The following MACROD2 variants were observed in gnomAD, a reference collection of about 807,000 sequenced individuals.
MACROD2 encodes ADP-ribose glycohydrolase MACROD2.
Under a neutral mutation model 70.4 loss-of-function variants are expected in MACROD2, and 36 were observed. That is an observed-to-expected ratio of 0.51 (90% confidence interval 0.39 to 0.68). MACROD2 has a LOEUF of 0.68. Among genes scored for constraint, MACROD2 ranks in the 30% least tolerant of loss-of-function variants. The probability of loss-of-function intolerance (pLI) is 0.00; values close to 1 mark genes in which losing one functional copy is unlikely to be tolerated. For missense variants in MACROD2, 496 were observed against 538.4 expected (o/e 0.92, Z 0.78); for synonymous variants, 172 against 178.8 (o/e 0.96, Z 0.30).
chr20:15,754,286 G>GA (rs1241776102), intron 8 of MACROD2, among the ~76,000 whole-genome samples: 2 of 152,004 alleles, frequency 1.3e-5, no homozygotes, highest in African/African-American at 4.8e-5. Context: ...GTTTCTTTAG[G>GA]AAAAAAATAA....
chr20:14,055,962 T>A (rs1401032566), intron 2 of MACROD2, among the ~76,000 whole-genome samples: 1 of 152,114 alleles, frequency 6.6e-6, no homozygotes, highest in Admixed American at 6.6e-5. Flanking sequence ...GATGCCAGTT[T>A]TTAATAAGAA....
At position 15,855,950 on chromosome 20, in the gene MACROD2, C is replaced by A. The variant is rs56070042; in HGVS notation, c.646-6795C>A. Among the ~76,000 whole-genome samples the A allele has an allele frequency of 3.7e-3, 567 of 152,174 alleles. 7 individuals carry two copies. The Middle Eastern group carries it at 0.051, about 14-fold the overall frequency. On this transcript the variant is annotated intron_variant, in intron 8 of 17. Transcript: ENST00000684519. Reference sequence around the variant, plus strand: ...CATTTATGGACATTTAAGTAGCTTCCAATTTGGAGATATTGCAAATAGTGC... The same window carrying A: ...CATTTATGGACATTTAAGTAGCTTCAAATTTGGAGATATTGCAAATAGTGC...
intron 5 of MACROD2, among the ~76,000 whole-genome samples, chr20:14,958,745 A>G (rs2074558795): frequency 6.6e-6 from 1 of 152,154 alleles, no homozygotes; most frequent in South Asian, 2.1e-4. Context: ...CTCATTCTAA[A>G]CAGCAGTAGT....
At chr20:14,506,636 C>T (rs561497844) in intron 4 of MACROD2, among the ~76,000 whole-genome samples, 27 of 152,208 alleles carry the variant, frequency 1.8e-4, no homozygotes, top group African/African-American at 5.1e-4. Context: ...CTTCCAGCAC[C>T]GATAACTTTC....
chr20:14,187,018 G>A (rs111853458), intron 3 of MACROD2, among the ~76,000 whole-genome samples: 1 of 152,092 alleles, frequency 6.6e-6, no homozygotes, highest in African/African-American at 2.4e-5. Context: ...TTTACCACCT[G>A]GGTGACAGGG....
intron 5 of MACROD2, among the ~76,000 whole-genome samples, chr20:14,767,013 G>A (rs145246583): frequency 1.1e-3 from 172 of 152,168 alleles, no homozygotes; most frequent in African/African-American, 4.1e-3. Context: ...CACACAGTTA[G>A]ATGTGCGAAC....
chr20:15,732,216 T>A (rs1288367604), intron 8 of MACROD2, among the ~76,000 whole-genome samples: 1 of 151,930 alleles, frequency 6.6e-6, no homozygotes, highest in Non-Finnish European at 1.5e-5. Context: ...CAGAAATGAC[T>A]AGGATATCTC....
intron 3 of MACROD2, among the ~76,000 whole-genome samples, chr20:14,215,260 C>T (rs1166317646): frequency 6.9e-6 from 1 of 145,982 alleles, no homozygotes; most frequent in Non-Finnish European, 1.5e-5. Flanking sequence ...ATGTATATTC[C>T]ATCATATATA....
At chr20:15,801,178 T>A (rs927572865) in intron 8 of MACROD2, among the ~76,000 whole-genome samples, 1 of 90,390 alleles carries the variant, frequency 1.1e-5, no homozygotes, top group Non-Finnish European at 2.1e-5. Flanking sequence ...CACCCAAGAA[T>A]GATCAATTAA....
At chr20:15,032,264 G>A (rs530172238) in intron 5 of MACROD2, among the ~76,000 whole-genome samples, 1 of 152,316 alleles carries the variant, frequency 6.6e-6, no homozygotes, top group African/African-American at 2.4e-5. Flanking sequence ...AGCTCCACCT[G>A]GGAACTCAGG....
At chr20:14,336,025 G>A (rs778145164) in intron 3 of MACROD2, among the ~76,000 whole-genome samples, 2 of 151,948 alleles carry the variant, frequency 1.3e-5, no homozygotes, top group East Asian at 1.9e-4. Flanking sequence ...TACTCATTTC[G>A]GAAGAGATGA....
At chr20:14,989,443 C>T (rs964947106) in intron 5 of MACROD2, among the ~76,000 whole-genome samples, 11 of 152,026 alleles carry the variant, frequency 7.2e-5, no homozygotes, top group Admixed American at 6.6e-4. Context: ...AGATTTATTA[C>T]AAAGCAAAAA....
intron 3 of MACROD2, among the ~76,000 whole-genome samples, chr20:14,254,487 T>C (rs909608169): frequency 6.6e-6 from 1 of 152,104 alleles, no homozygotes. Context: ...TATTTTATTT[T>C]ATTTTTATCA....
chr20:15,062,004 C>A (rs1448708521), intron 5 of MACROD2, among the ~76,000 whole-genome samples: 1 of 152,170 alleles, frequency 6.6e-6, no homozygotes, highest in Non-Finnish European at 1.5e-5. Flanking sequence ...GGAGAGCAGG[C>A]AGCTTGTTGC....
At chr20:15,577,423 A>T (rs954628094) in intron 8 of MACROD2, among the ~76,000 whole-genome samples, 4 of 152,168 alleles carry the variant, frequency 2.6e-5, no homozygotes, top group Admixed American at 6.6e-5. Flanking sequence ...GTAATATTTT[A>T]AAAAATATAA....
intron 8 of MACROD2, among the ~76,000 whole-genome samples, chr20:15,745,714 C>T (rs929952057): frequency 7.2e-5 from 11 of 152,066 alleles, no homozygotes; most frequent in African/African-American, 2.4e-4. Context: ...GTATTTAATC[C>T]ACTTAGTATC....
At chr20:15,544,574 A>G (rs2048002218) in intron 8 of MACROD2, among the ~76,000 whole-genome samples, 1 of 152,170 alleles carries the variant, frequency 6.6e-6, no homozygotes, top group Non-Finnish European at 1.5e-5. Context: ...AAGAATCTCA[A>G]TGTGAATTTG....
Position 14,253,167 on chromosome 20 carries a change from T to C in MACROD2, c.271+167439T>C, listed in dbSNP as rs1568522297. 2.0e-5 allele frequency among the ~76,000 whole-genome samples: 3 copies of C among 152,172 alleles called. No homozygotes were observed. In the South Asian group the frequency reaches 6.2e-4, roughly 31 times the overall value. On this transcript the variant is annotated intron_variant, in intron 3 of 17. Coordinates refer to ENST00000684519, the MANE Select transcript of MACROD2 (RefSeq NM_001351661.2). Reference sequence around the variant, plus strand: ...AAGGAGATTCTGACAGAAAATGGTATATTTTATGAGTAGTGATTTTGTGAA... The same window carrying C: ...AAGGAGATTCTGACAGAAAATGGTACATTTTATGAGTAGTGATTTTGTGAA...
At chr20:15,195,385 C>T (rs1011333139) in intron 5 of MACROD2, among the ~76,000 whole-genome samples, 1 of 152,012 alleles carries the variant, frequency 6.6e-6, no homozygotes, top group African/African-American at 2.4e-5. Flanking sequence ...AACAAATTTA[C>T]AGGAAATAAA....
Sources: gnomAD v4.1 joint callset for allele counts (sites outside exome capture counted in the v4.1 genomes callset) on GRCh38, gnomAD v4.1.1 for gene constraint, MANE v1.5 for transcripts, NCBI Gene and HGNC (gene_info 2026-07-23, HGNC 2026-07-21) for gene names.